PGA3: variants seen among roughly 807,000 people sequenced by gnomAD.
PGA3 encodes the protein pepsinogen A3.
A neutral mutation model predicts 15.6 loss-of-function variants in PGA3; 1 was observed. The ratio of observed to expected loss-of-function variants is 0.06; its 90% confidence interval spans 0.02 to 0.30. The LOEUF is 0.30. Ranked by LOEUF, PGA3 falls within the 10% of genes least tolerant of loss-of-function variation. The pLI, the probability that PGA3 is intolerant of heterozygous loss-of-function variation, is 1.00. For synonymous variants in PGA3, 14 were observed against 79.5 expected (o/e 0.18, Z 4.38); for missense variants, 29 against 183.7 (o/e 0.16, Z 4.87).
chr11:61,203,689 C>T (rs1260401959), intron 1 of PGA3, 69 bp downstream of exon 1: 15 of 1,607,344 alleles, frequency 9.3e-6, no homozygotes, highest in Non-Finnish European at 1.3e-5. Flanking sequence ...CCGTGTCTTC[C>T]TTCTTCCCTT....
At chr11:61,211,973 TATC>T (rs1189030283) in intron 8 of PGA3, 14 of 346,058 alleles carry the variant, frequency 4.0e-5, no homozygotes, top group African/African-American at 2.6e-4. Flanking sequence ...TCCCTTCTGT[TATC>T]ATAACGTCAG....
At chr11:61,211,726 T>C (rs1235712873) in intron 8 of PGA3, among the ~76,000 whole-genome samples, 1 of 150,426 alleles carries the variant, frequency 6.6e-6, no homozygotes, top group African/African-American at 2.4e-5. Flanking sequence ...ACTAGCCCAT[T>C]GATTCTGAAC....
intron 4 of PGA3, 176 bp downstream of exon 4, chr11:61,207,791 T>TG: frequency 6.7e-6 from 2 of 297,828 alleles, no homozygotes; most frequent in Non-Finnish European, 1.3e-5. Flanking sequence ...AGTAAAAGGG[T>TG]GGGGTGCCAG....
Position 61,207,567 on chromosome 11 carries a change from C to CT in PGA3, c.409dup (p.Tyr137LeufsTer22). On this transcript the variant is annotated frameshift_variant, in exon 4 of 9. Transcript: ENST00000325558. LOFTEE classifies it high-confidence loss of function. ...CCACCAGCGAGACAGTCTCCATCAC[C>CT]TACGGCACCGGCAGCATGACAGGCA... 1.0e-6 allele frequency: 1 copy of CT among 985,682 alleles called. No homozygotes were observed. Among genetic ancestry groups the CT allele is most frequent in the Non-Finnish European group, 1.6e-6 (1 of 629,434 alleles). 61.1% of individuals were successfully genotyped at this position (985,682 alleles called of 1,614,324 possible). A position where few individuals can be genotyped will look rare whatever the true frequency, so the allele number is the denominator to read the frequency against.
At chr11:61,205,798 G>C (rs1313674229) in intron 2 of PGA3, 1 of 59,628 alleles carries the variant, frequency 1.7e-5, no homozygotes, top group African/African-American at 8.6e-5. Flanking sequence ...AGGAGTTCGA[G>C]ACCAGCCCGG....
intron 6 of PGA3, 132 bp from the exon 7 acceptor site, chr11:61,210,958 G>C: frequency 7.8e-6 from 1 of 127,578 alleles, no homozygotes. Context: ...GTGCGTGAAC[G>C]AGAGGAACAG....
chr11:61,205,944 C>T (rs1331610950), intron 2 of PGA3: 1 of 110,166 alleles, frequency 9.1e-6, no homozygotes, highest in African/African-American at 3.8e-5. Flanking sequence ...CTGCAGTGAG[C>T]CGAGGTCGCG....
intron 2 of PGA3, chr11:61,205,596 A>T (rs1206312041): frequency 1.5e-5 from 1 of 68,826 alleles, no homozygotes; most frequent in Admixed American, 1.6e-4. Flanking sequence ...CAGCCAAGGA[A>T]AGATCTAGAA....
intron 8 of PGA3, 146 bp downstream of exon 8, chr11:61,211,581 A>G: frequency 1.1e-6 from 1 of 910,902 alleles, no homozygotes; most frequent in Non-Finnish European, 1.7e-6. Context: ...CCTCCAGAGA[A>G]AAAGAATATA....
At chr11:61,205,398 G>A (rs1164312058) in intron 2 of PGA3, among the ~76,000 whole-genome samples, 2 of 152,196 alleles carry the variant, frequency 1.3e-5, no homozygotes, top group Non-Finnish European at 1.5e-5. Context: ...CTCTAAAGGG[G>A]ATGACAAATA....
intron 1 of PGA3, 48 bp from the exon 2 acceptor site, chr11:61,204,059 C>T (rs1292656026): frequency 1.2e-5 from 11 of 952,888 alleles, no homozygotes; most frequent in South Asian, 2.7e-5. Flanking sequence ...CCACAGCACC[C>T]GGTCAGCAGA....
At chr11:61,205,089 G>A (rs1853909797) in intron 2 of PGA3, among the ~76,000 whole-genome samples, 1 of 152,090 alleles carries the variant, frequency 6.6e-6, no homozygotes, top group Non-Finnish European at 1.5e-5. Context: ...GTGCAAATAT[G>A]GGTCCTAGTG....
At chr11:61,205,407 TAAAC>T (rs1853913515) in intron 2 of PGA3, among the ~76,000 whole-genome samples, 1 of 152,168 alleles carries the variant, frequency 6.6e-6, no homozygotes, top group Non-Finnish European at 1.5e-5. Flanking sequence ...GGATGACAAA[TAAAC>T]AACCATGTAA....
intron 8 of PGA3, among the ~76,000 whole-genome samples, chr11:61,211,681 T>G (rs1297930932): frequency 6.6e-6 from 1 of 150,400 alleles, no homozygotes; most frequent in Admixed American, 6.7e-5. Flanking sequence ...GAGGATTCTA[T>G]TTGGACCCCT....
At chr11:61,205,877 A>C (rs1435354068) in intron 2 of PGA3, 1 of 90,408 alleles carries the variant, frequency 1.1e-5, no homozygotes, top group Non-Finnish European at 2.5e-5. Flanking sequence ...CACACCTGTA[A>C]TCTCAGCTAC....
chr11:61,211,745 A>G (rs1787905), intron 8 of PGA3, among the ~76,000 whole-genome samples: 15 of 148,602 alleles, frequency 1.0e-4, no homozygotes, highest in South Asian at 4.2e-4. Flanking sequence ...ACAAATTACA[A>G]CTCATCTCAC....
intron 8 of PGA3, 80 bp downstream of exon 8, chr11:61,211,515 C>T: frequency 7.3e-7 from 1 of 1,374,816 alleles, no homozygotes. Flanking sequence ...ACGGAAAGTA[C>T]ACTTCCACGA....
chr11:61,210,983 G>GGTC, intron 6 of PGA3, 107 bp from the exon 7 acceptor site: 1 of 156,856 alleles, frequency 6.4e-6, no homozygotes, highest in Non-Finnish European at 1.2e-5. Context: ...TTCACGCATT[G>GGTC]GCCAATGGAT....
At chr11:61,203,806 C>G in intron 1 of PGA3, 186 bp downstream of exon 1, 1 of 977,914 alleles carries the variant, frequency 1.0e-6, no homozygotes. Context: ...CCCAGCCTGA[C>G]TGTGGTTCCC....
Sources: allele counts gnomAD v4.1 joint callset (sites outside exome capture counted in the v4.1 genomes callset), GRCh38; gene constraint gnomAD v4.1.1; transcripts MANE v1.5; gene names NCBI Gene and HGNC (gene_info 2026-07-23, HGNC 2026-07-21).